AUTS2: variants seen among roughly 807,000 people sequenced by gnomAD.
AUTS2 encodes activator of transcription and developmental regulator AUTS2.
In AUTS2, 17 loss-of-function variants were observed where a neutral mutation model predicts 112.4. The ratio of observed to expected loss-of-function variants is 0.15; its 90% CI spans 0.10 to 0.23. AUTS2 has a LOEUF of 0.23. AUTS2 is among the 10% of genes least tolerant of loss of function. The pLI is 1.00. For synonymous variants in AUTS2, 751 were observed against 702.7 expected, an observed-to-expected ratio of 1.07 and a Z score of -1.09; for missense variants, 1,510 against 1,701.6, an observed-to-expected ratio of 0.89 and a Z score of 1.98.
intron 7 of AUTS2, 145 bp downstream of exon 7, chr7:70,763,486 G>A: frequency 1.5e-6 from 1 of 653,394 alleles, no homozygotes; most frequent in East Asian, 2.8e-5. Flanking sequence ...ACAGGGAATG[G>A]GGCTGTTGGG....
intron 1 of AUTS2, among the ~76,000 whole-genome samples, chr7:69,792,878 G>C (rs1478309886): frequency 6.6e-6 from 1 of 152,106 alleles, no homozygotes; most frequent in Non-Finnish European, 1.5e-5. Flanking sequence ...ATTTCAACAA[G>C]CACCAGGAAT....
chr7:70,446,859 G>A (rs1796338946), intron 5 of AUTS2, among the ~76,000 whole-genome samples: 1 of 152,164 alleles, frequency 6.6e-6, no homozygotes, highest in African/African-American at 2.4e-5. Context: ...AAGAAGCAGG[G>A]AAAGACTCTG....
In AUTS2 at chr7:70,792,596, A is replaced by C. The variant is rs558855880; in HGVS notation, c.*1600A>C. On this transcript the variant is annotated 3_prime_UTR_variant, in exon 19 of 19. Transcript: ENST00000342771. ...TAGTTGTGAGCTTCAGATTTTGTGAACTCCAGATGTTGTGCGGTGTTTTTT... is the reference window on the plus strand; with the variant it reads ...TAGTTGTGAGCTTCAGATTTTGTGACCTCCAGATGTTGTGCGGTGTTTTTT... The C allele has an allele frequency of 5.3e-5, 8 of 150,570 alleles. No individual in the cohort carries two copies. The highest frequency in any genetic ancestry group is 8.9e-5 in the Non-Finnish European group (6 of 67,692). The allele number at this position is 150,570 out of a possible 1,614,324, so 9.3% of individuals were successfully genotyped here.
intron 5 of AUTS2, among the ~76,000 whole-genome samples, chr7:70,517,957 AG>A (rs1228170080): frequency 2.0e-5 from 3 of 152,234 alleles, no homozygotes; most frequent in African/African-American, 7.2e-5. Context: ...GCAAGAAATG[AG>A]TGGAAGTGAA....
chr7:69,679,854 C>T (rs543376845), intron 1 of AUTS2, among the ~76,000 whole-genome samples: 3 of 151,920 alleles, frequency 2.0e-5, no homozygotes, highest in Non-Finnish European at 4.4e-5. Context: ...TGAGTGTTGC[C>T]TTACTTGGTT....
chr7:70,103,957 A>G (rs1232360350), intron 2 of AUTS2, among the ~76,000 whole-genome samples: 1 of 151,978 alleles, frequency 6.6e-6, no homozygotes, highest in African/African-American at 2.4e-5. Context: ...GTAAGAGTAG[A>G]CAAATGTGTA....
intron 5 of AUTS2, among the ~76,000 whole-genome samples, chr7:70,617,319 C>T (rs947507380): frequency 2.8e-4 from 43 of 152,298 alleles, no homozygotes; most frequent in Admixed American, 2.1e-3. Context: ...TGGAGTCCAA[C>T]GGTTAGTGGG....
intron 10 of AUTS2, among the ~76,000 whole-genome samples, chr7:70,768,738 AGTTATAG>A (rs1279208389): frequency 1.3e-5 from 2 of 152,122 alleles, no homozygotes; most frequent in Non-Finnish European, 2.9e-5. Flanking sequence ...TAACACCCTA[AGTTATAG>A]GTTCAGTTAA....
chr7:69,616,541 A>G (rs528680978), intron 1 of AUTS2, among the ~76,000 whole-genome samples: 24 of 152,294 alleles, frequency 1.6e-4, no homozygotes, highest in African/African-American at 5.5e-4. Context: ...TAGGTTTACT[A>G]TCTGGCTGTA....
At chr7:70,285,793 A>G (rs558140963) in intron 4 of AUTS2, among the ~76,000 whole-genome samples, 1 of 152,328 alleles carries the variant, frequency 6.6e-6, no homozygotes, top group East Asian at 1.9e-4. Flanking sequence ...TTATTGAGCC[A>G]CTTCTGTATA....
chr7:70,513,571 C>T (rs1219488520), intron 5 of AUTS2, among the ~76,000 whole-genome samples: 1 of 152,170 alleles, frequency 6.6e-6, no homozygotes, highest in Non-Finnish European at 1.5e-5. Flanking sequence ...GGCTGTAATC[C>T]ACCTTTTGCC....
intron 5 of AUTS2, among the ~76,000 whole-genome samples, chr7:70,580,764 G>C (rs1802396646): frequency 6.6e-6 from 1 of 152,210 alleles, no homozygotes; most frequent in African/African-American, 2.4e-5. Flanking sequence ...AGATGTTCCA[G>C]TGTCTAGGCC....
chr7:70,787,469 G>C, intron 18 of AUTS2, 38 bp downstream of exon 18: 3 of 1,462,564 alleles, frequency 2.1e-6, no homozygotes, highest in Non-Finnish European at 2.8e-6. Context: ...CCACGGGGGA[G>C]CCTGCTCTAT....
At chr7:70,251,504 A>AT (rs1045328196) in intron 4 of AUTS2, among the ~76,000 whole-genome samples, 6 of 152,172 alleles carry the variant, frequency 3.9e-5, no homozygotes, top group African/African-American at 1.2e-4. Flanking sequence ...TTGGATTGAT[A>AT]TTTTTCATCA....
chr7:70,447,543 C>G (rs1286304642), intron 5 of AUTS2, among the ~76,000 whole-genome samples: 1 of 152,188 alleles, frequency 6.6e-6, no homozygotes, highest in Admixed American at 6.5e-5. Flanking sequence ...AACTGAATCA[C>G]AGAGGTATTA....
intron 4 of AUTS2, among the ~76,000 whole-genome samples, chr7:70,318,855 G>C (rs1405299254): frequency 6.6e-6 from 1 of 152,170 alleles, no homozygotes; most frequent in East Asian, 1.9e-4. Flanking sequence ...TGCTGCATTA[G>C]GTACCTAGTG....
At chr7:70,535,083 CAAAG>C (rs1800263563) in intron 5 of AUTS2, among the ~76,000 whole-genome samples, 1 of 149,936 alleles carries the variant, frequency 6.7e-6, no homozygotes, top group South Asian at 2.1e-4. Flanking sequence ...GTTGTACACT[CAAAG>C]AAATTCTGAT....
intron 1 of AUTS2, among the ~76,000 whole-genome samples, chr7:69,635,378 G>T (rs1306066934): frequency 6.6e-6 from 1 of 152,220 alleles, no homozygotes; most frequent in East Asian, 1.9e-4. Flanking sequence ...GACTGAAAAG[G>T]TGTTTTATGA....
At chr7:70,145,321 G>C (rs1264677485) in intron 4 of AUTS2, among the ~76,000 whole-genome samples, 1 of 151,978 alleles carries the variant, frequency 6.6e-6, no homozygotes, top group Non-Finnish European at 1.5e-5. Flanking sequence ...GTGTACAACT[G>C]CTTTAAAAAA....
Sources: allele counts gnomAD v4.1 joint callset (sites outside exome capture counted in the v4.1 genomes callset), GRCh38; gene constraint gnomAD v4.1.1; transcripts MANE v1.5; gene names NCBI Gene and HGNC (gene_info 2026-07-23, HGNC 2026-07-21).